CFAP92: variants seen among roughly 807,000 people sequenced by gnomAD.
CFAP92 encodes uncharacterized protein CFAP92.
Under a neutral mutation model 106.3 loss-of-function variants are expected in CFAP92, and 86 were observed. The ratio of observed to expected loss-of-function variants is 0.81; its 90% CI spans 0.68 to 0.97. The LOEUF is 0.97. CFAP92 is among the 50% of genes least tolerant of loss of function. CFAP92 has a pLI of 0.00. For missense variants in CFAP92, 1,204 were observed against 1,283.8 expected (o/e 0.94, Z 0.95); for synonymous variants, 477 against 506.4 (o/e 0.94, Z 0.78).
At chr3:128,938,263 C>A (rs36110719) in intron 10 of CFAP92, among the ~76,000 whole-genome samples, 15,936 of 151,662 alleles carry the variant, frequency 0.11, 1,087 homozygotes, top group South Asian at 0.16. Flanking sequence ...AGAAAAAGCT[C>A]AAAAAAACGA....
At position 128,911,206 on chromosome 3, in the gene CFAP92, G is replaced by A. The variant is rs191074422; in HGVS notation, c.3281-873C>T. ...CGAGTAGCTGGGATTACAGGCGCAC[G>A]CCACCACGCCCGGCTAATTTTTTGT... is the stretch of plus-strand genomic sequence containing the variant. On this transcript the variant is annotated intron_variant, in intron 15 of 15. Transcript: ENST00000645291. Among the ~76,000 whole-genome samples, 4 of 151,974 alleles carry A rather than the reference G, an allele frequency of 2.6e-5. No homozygotes were observed. The East Asian group carries it at 5.9e-4, about 22-fold the overall frequency.
chr3:129,009,894 C>T, the CFAP92 span, among the ~76,000 whole-genome samples: 7 of 152,224 alleles, frequency 4.6e-5, no homozygotes, highest in African/African-American at 1.4e-4. Context: ...AACCTGTGCC[C>T]ATCCAGGTGA....
chr3:128,944,472 A>C (rs1294679842), intron 10 of CFAP92, among the ~76,000 whole-genome samples: 1 of 152,116 alleles, frequency 6.6e-6, no homozygotes, highest in East Asian at 1.9e-4. Flanking sequence ...GGGGCATCTG[A>C]ACTCTGAGGA....
At chr3:129,000,218 C>T (rs1042133119) in intron 1 of CFAP92, among the ~76,000 whole-genome samples, 5 of 152,290 alleles carry the variant, frequency 3.3e-5, no homozygotes, top group Admixed American at 3.3e-4. Context: ...AAAACTTTGT[C>T]AAATTGCCAT....
At chr3:128,975,952 G>A in intron 6 of CFAP92, 49 bp from the exon 7 acceptor site, 1 of 1,550,908 alleles carries the variant, frequency 6.4e-7, no homozygotes, top group Non-Finnish European at 8.7e-7. Flanking sequence ...AAAAATCAGG[G>A]GCCAGATCTG....
Position 128,978,040 on chromosome 3 carries a change from C to T in CFAP92, c.808+5G>A. 6.2e-7 allele frequency: 1 copy of T among 1,613,924 alleles called. No homozygotes were observed. The highest frequency in any genetic ancestry group is 8.5e-7 in the Non-Finnish European group (1 of 1,179,856). On this transcript the variant is annotated splice_donor_5th_base_variant and intron_variant, in intron 5 of 15. Coordinates refer to ENST00000645291, the MANE Select transcript of CFAP92 (RefSeq NM_001394090.1). ...AGCTTGTCCACAAAGGCCTTCTCCG[C>T]TCACCTTGCAAAGACTTTGGGTGTT...
upstream of CFAP92, among the ~76,000 whole-genome samples, chr3:128,997,742 A>T (rs1050786291): frequency 2.6e-5 from 4 of 152,232 alleles, no homozygotes; most frequent in Admixed American, 1.3e-4. Flanking sequence ...GCATTTAGAC[A>T]TTTATGAACA....
At chr3:128,916,868 C>T (rs1305646029) in intron 12 of CFAP92, among the ~76,000 whole-genome samples, 2 of 152,126 alleles carry the variant, frequency 1.3e-5, no homozygotes, top group African/African-American at 2.4e-5. Context: ...GGGAAAGTTA[C>T]CACTCTAAAT....
chr3:128,995,304 G>T (rs1192637399), upstream of CFAP92, among the ~76,000 whole-genome samples: 2 of 152,118 alleles, frequency 1.3e-5, no homozygotes, highest in Non-Finnish European at 2.9e-5. Context: ...TACTCCTCGG[G>T]TTCAGTCTGA....
At chr3:128,938,581 C>T (rs1484344771) in intron 10 of CFAP92, among the ~76,000 whole-genome samples, 2 of 151,446 alleles carry the variant, frequency 1.3e-5, no homozygotes, top group Non-Finnish European at 2.9e-5. Context: ...GCAAGCTCCA[C>T]CTCCCGGGTT....
chr3:128,972,543 C>CTTTTTTCTTT (rs1298943068), intron 7 of CFAP92, among the ~76,000 whole-genome samples: 40 of 151,822 alleles, frequency 2.6e-4, no homozygotes, highest in Admixed American at 2.6e-3. Context: ...CACCTGGCCT[C>CTTTTTTCTTT]TTTTTTCTTT....
At chr3:128,948,190 TTATATA>T (rs949982043) in intron 9 of CFAP92, among the ~76,000 whole-genome samples, 1 of 151,222 alleles carries the variant, frequency 6.6e-6, no homozygotes, top group African/African-American at 2.4e-5. Context: ...CACACATTTA[TTATATA>T]TATATATTTA....
intron 10 of CFAP92, among the ~76,000 whole-genome samples, chr3:128,939,908 C>G (rs1285464198): frequency 2.0e-5 from 3 of 152,250 alleles, no homozygotes; most frequent in Non-Finnish European, 4.4e-5. Context: ...TCAGGCAGAG[C>G]TTGCTGACCT....
chr3:128,964,283 G>A lies in CFAP92; in HGVS notation c.1353+1228C>T, dbSNP rs376651911. The stretch of plus-strand genomic sequence containing the variant: ...ACTGGACAATACTTTTACCACTTTC[G>A]CTTCTACAAGGTACAGCCCATTTAA... On this transcript the variant is annotated intron_variant, in intron 9 of 15. Transcript: ENST00000645291. Among the ~76,000 whole-genome samples, 42 of 151,944 alleles carry A rather than the reference G, an allele frequency of 2.8e-4. No individual in the cohort carries two copies. The East Asian group carries it at 6.6e-3, about 24-fold the overall frequency.
chr3:129,002,337 C>A (rs1424518560), intron 1 of CFAP92: 1 of 1,511,798 alleles, frequency 6.6e-7, no homozygotes, highest in African/African-American at 1.4e-5. Context: ...GCGCGCCGGC[C>A]ACGAAGGGAG....
chr3:128,982,089 T>C (rs770715217), intron 4 of CFAP92, among the ~76,000 whole-genome samples: 11 of 152,256 alleles, frequency 7.2e-5, no homozygotes, highest in Non-Finnish European at 1.5e-4. Flanking sequence ...AGCCTGTCCT[T>C]TGAAGCCAGG....
intron 15 of CFAP92, 55 bp downstream of exon 15, chr3:128,915,056 GCACAGAGC>G: frequency 6.7e-7 from 1 of 1,482,330 alleles, no homozygotes; most frequent in African/African-American, 1.4e-5. Context: ...ATGCAGAGTG[GCACAGAGC>G]TCCTGCCTGC....
intron 6 of CFAP92, 128 bp downstream of exon 6, chr3:128,976,846 GTTAGC>G: frequency 2.9e-6 from 2 of 697,246 alleles, no homozygotes; most frequent in Non-Finnish European, 5.2e-6. Context: ...CCCCTTCCCT[GTTAGC>G]TTAAGTTAGC....
chr3:129,009,411 C>T, the CFAP92 span, among the ~76,000 whole-genome samples: 1 of 152,172 alleles, frequency 6.6e-6, no homozygotes, highest in African/African-American at 2.4e-5. Flanking sequence ...GGGTGCCAGG[C>T]TAATATCCCC....
Sources: allele counts gnomAD v4.1 joint callset (sites outside exome capture counted in the v4.1 genomes callset), GRCh38; gene constraint gnomAD v4.1.1; transcripts MANE v1.5; gene names NCBI Gene and HGNC (gene_info 2026-07-23, HGNC 2026-07-21).